The following SCGB2B2 variants were observed in gnomAD, a reference collection of about 807,000 sequenced individuals.
SCGB2B2 encodes the protein secretoglobin family 2B member 2.
A neutral mutation model predicts 7.6 loss-of-function variants in SCGB2B2; 11 were observed. That is an observed-to-expected ratio of 1.45 (90% CI 0.91 to 2.40). The LOEUF is 2.40. SCGB2B2 is among the 30% of genes most tolerant of loss of function. The pLI is 0.00. For synonymous variants in SCGB2B2, 50 were observed against 48.6 expected (o/e 1.03, Z -0.12); for missense variants, 104 against 115.4 (o/e 0.90, Z 0.45).
In SCGB2B2 at chr19:34,677,039, A is replaced by G. The variant is rs1302916135; in HGVS notation, c.-3441T>C. The G allele has an allele frequency of 6.6e-6, 1 of 151,942 alleles. No homozygotes were observed. Among genetic ancestry groups the G allele is most frequent in the Non-Finnish European group, 1.5e-5 (1 of 68,028 alleles). 9.4% of individuals were successfully genotyped at this position (151,942 alleles called of 1,614,324 possible). A position where few individuals can be genotyped will look rare whatever the true frequency, so the allele number is the denominator to read the frequency against. On this transcript the variant is annotated 5_prime_UTR_variant, in exon 1 of 4. The change abolishes an upstream ATG in the 5' untranslated region. Coordinates refer to ENST00000601241, the MANE Select transcript of SCGB2B2 (RefSeq NM_001025591.4). ...GGGCGTAACGCACGTCAGAACGGCC[A>G]TTAGTGTCACAGATACGTGTCCCCT...
At position 34,594,161 on chromosome 19, in the gene SCGB2B2, C is replaced by T. The variant is rs775807613; in HGVS notation, c.246+14G>A. The stretch of plus-strand genomic sequence containing the variant: ...GGCCATGTAGTGTGTGCAGGTCCCC[C>T]CGGGCACACTCACAATAACAACTGA... On this transcript the variant is annotated intron_variant, in intron 3 of 3. Coordinates refer to ENST00000601241, the MANE Select transcript of SCGB2B2 (RefSeq NM_001025591.4). 1 of 1,609,962 alleles carries T rather than the reference C, an allele frequency of 6.2e-7. No homozygotes were observed. The highest frequency in any genetic ancestry group is 8.5e-7 in the Non-Finnish European group (1 of 1,176,672).
At chr19:34,647,953 T>A (rs958279609) in intron 1 of SCGB2B2, among the ~76,000 whole-genome samples, 1 of 151,870 alleles carries the variant, frequency 6.6e-6, no homozygotes, top group South Asian at 2.1e-4. Context: ...TGCAGCATGA[T>A]GAGAAAGGGT....
intron 1 of SCGB2B2, among the ~76,000 whole-genome samples, chr19:34,669,178 C>G (rs150505875): frequency 2.7e-3 from 409 of 152,166 alleles, no homozygotes; most frequent in Middle Eastern, 0.02. Context: ...TGCGAGGGTC[C>G]GCGACTTCAT....
intron 1 of SCGB2B2, among the ~76,000 whole-genome samples, chr19:34,631,635 T>G (rs2066538407): frequency 6.6e-6 from 1 of 152,120 alleles, no homozygotes; most frequent in Non-Finnish European, 1.5e-5. Context: ...AAGGGAGAGA[T>G]ATGCCACGTT....
At chr19:34,625,734 A>C (rs2066355765) in intron 1 of SCGB2B2, among the ~76,000 whole-genome samples, 1 of 152,210 alleles carries the variant, frequency 6.6e-6, no homozygotes, top group Non-Finnish European at 1.5e-5. Context: ...ACCTCTGCAG[A>C]CTTAAATGTC....
intron 1 of SCGB2B2, among the ~76,000 whole-genome samples, chr19:34,673,889 G>A (rs2067859437): frequency 6.6e-6 from 1 of 152,124 alleles, no homozygotes; most frequent in Admixed American, 6.5e-5. Flanking sequence ...ACTTAAAATG[G>A]CATCCTCTGG....
chr19:34,594,256 C>T lies in SCGB2B2; in HGVS notation c.165G>A (p.Leu55=), dbSNP rs1016674299. 2 of 1,614,064 alleles carry T rather than the reference C, an allele frequency of 1.2e-6. No individual in the cohort carries two copies. The highest frequency in any genetic ancestry group is 1.7e-6 in the Non-Finnish European group (2 of 1,179,924). Residue 55 remains leucine, a synonymous_variant, in exon 3 of 4, where the codon CTG becomes CTA. Coordinates refer to ENST00000601241, the MANE Select transcript of SCGB2B2 (RefSeq NM_001025591.4). ...EELARYNPSP[L]TEESFLNVQQ... ...GGACATTGAGGAAGGACTCCTCTGT[C>T]AGGGGACTGGGGTTGTAACGAGCAA...
chr19:34,674,288 G>C (rs1424155950), intron 1 of SCGB2B2, among the ~76,000 whole-genome samples: 1 of 152,102 alleles, frequency 6.6e-6, no homozygotes, highest in Non-Finnish European at 1.5e-5. Context: ...TTGTCTGAAA[G>C]GAAATTATAT....
intron 1 of SCGB2B2, among the ~76,000 whole-genome samples, chr19:34,601,542 A>C (rs2065624088): frequency 6.6e-6 from 1 of 152,222 alleles, no homozygotes; most frequent in Non-Finnish European, 1.5e-5. Context: ...TGTACCACTC[A>C]TATGAATGTA....
intron 1 of SCGB2B2, among the ~76,000 whole-genome samples, chr19:34,628,869 A>C (rs1355836267): frequency 6.6e-6 from 1 of 152,032 alleles, no homozygotes; most frequent in African/African-American, 2.4e-5. Context: ...AAAAGTTCTC[A>C]ATAAAATACT....
At chr19:34,604,838 ATATTTT>A (rs942888321) in intron 1 of SCGB2B2, among the ~76,000 whole-genome samples, 5 of 152,168 alleles carry the variant, frequency 3.3e-5, no homozygotes, top group Non-Finnish European at 5.9e-5. Context: ...TATATCTTGT[ATATTTT>A]TATTTTTATT....
chr19:34,610,782 T>TC (rs1568431231), intron 1 of SCGB2B2, among the ~76,000 whole-genome samples: 1 of 151,448 alleles, frequency 6.6e-6, no homozygotes, highest in Non-Finnish European at 1.5e-5. Flanking sequence ...TTTTTTTTTT[T>TC]CTGTATGCGT....
intron 1 of SCGB2B2, among the ~76,000 whole-genome samples, chr19:34,645,140 A>G (rs1258896228): frequency 6.6e-6 from 1 of 152,198 alleles, no homozygotes; most frequent in South Asian, 2.1e-4. Flanking sequence ...TATCTTCGTG[A>G]AGGGACAATA....
At chr19:34,598,263 C>T (rs73926885) in intron 1 of SCGB2B2, among the ~76,000 whole-genome samples, 15,267 of 152,104 alleles carry the variant, frequency 0.1, 1,400 homozygotes, top group African/African-American at 0.24. Flanking sequence ...GAGCAGTGTG[C>T]GGCACACTGG....
chr19:34,631,828 A>G (rs1280921578), intron 1 of SCGB2B2, among the ~76,000 whole-genome samples: 2 of 152,144 alleles, frequency 1.3e-5, no homozygotes, highest in African/African-American at 4.8e-5. Context: ...ATAAAAACAG[A>G]AAAAATTTGA....
intron 1 of SCGB2B2, among the ~76,000 whole-genome samples, chr19:34,611,525 C>G (rs2065926835): frequency 6.6e-6 from 1 of 151,966 alleles, no homozygotes; most frequent in South Asian, 2.1e-4. Flanking sequence ...CATCTGAACT[C>G]TTTCTACTTT....
At chr19:34,640,733 G>T (rs1231390020) in intron 1 of SCGB2B2, 1 of 152,134 alleles carries the variant, frequency 6.6e-6, no homozygotes, top group Non-Finnish European at 1.5e-5. Context: ...TGAATGGCAA[G>T]CTTAGCTTTT....
At chr19:34,615,932 CGT>C (rs1281403476) in intron 1 of SCGB2B2, among the ~76,000 whole-genome samples, 1 of 150,326 alleles carries the variant, frequency 6.7e-6, no homozygotes, top group East Asian at 2.0e-4. Context: ...AGTGAGAATA[CGT>C]GGTGTTTGGT....
At chr19:34,670,022 G>T (rs2067761131) in intron 1 of SCGB2B2, among the ~76,000 whole-genome samples, 1 of 152,108 alleles carries the variant, frequency 6.6e-6, no homozygotes, top group African/African-American at 2.4e-5. Flanking sequence ...CTATAGTGTT[G>T]GTCTCTGGTT....
Sources: allele counts gnomAD v4.1 joint callset (sites outside exome capture counted in the v4.1 genomes callset), GRCh38; gene constraint gnomAD v4.1.1; transcripts MANE v1.5; gene names NCBI Gene and HGNC (gene_info 2026-07-23, HGNC 2026-07-21).